MCU: variants seen among roughly 807,000 people sequenced by gnomAD.
MCU encodes the protein mitochondrial calcium uniporter.
A neutral mutation model predicts 45.2 loss-of-function variants in MCU; 12 were observed. That is an observed-to-expected ratio of 0.27 (90% confidence interval 0.17 to 0.43). The LOEUF (loss-of-function observed/expected upper bound fraction) is 0.43. MCU is among the 20% of genes least tolerant of loss of function. MCU has a pLI of 1.00. For missense variants in MCU, 324 were observed against 436.7 expected (o/e 0.74, Z 2.30); for synonymous variants, 160 against 165.1 (o/e 0.97, Z 0.24).
chr10:72,784,644 C>T (rs1844044998), intron 1 of MCU, among the ~76,000 whole-genome samples: 1 of 152,114 alleles, frequency 6.6e-6, no homozygotes, highest in South Asian at 2.1e-4. Flanking sequence ...GTTAATGTGG[C>T]ACTGTGCAGG....
intron 3 of MCU, chr10:72,860,172 G>A: frequency 2.3e-6 from 1 of 430,694 alleles, no homozygotes; most frequent in Non-Finnish European, 4.3e-6. Context: ...TACACCTATA[G>A]AACTATGACC....
intron 1 of MCU, among the ~76,000 whole-genome samples, chr10:72,776,339 A>G (rs1843893756): frequency 6.6e-6 from 1 of 152,228 alleles, no homozygotes; most frequent in African/African-American, 2.4e-5. Context: ...AGGAAACCAA[A>G]TTCAACAACA....
At chr10:72,809,103 T>C (rs1235221821) in intron 1 of MCU, among the ~76,000 whole-genome samples, 1 of 152,196 alleles carries the variant, frequency 6.6e-6, no homozygotes, top group South Asian at 2.1e-4. Context: ...TTCTGATGGA[T>C]ATATTAGAAG....
intron 2 of MCU, among the ~76,000 whole-genome samples, chr10:72,857,471 C>A (rs1320676336): frequency 6.6e-6 from 1 of 152,022 alleles, no homozygotes; most frequent in Non-Finnish European, 1.5e-5. Context: ...ATCTCTTGAC[C>A]TCATGATCTG....
intron 1 of MCU, among the ~76,000 whole-genome samples, chr10:72,770,280 A>G (rs1204089861): frequency 6.6e-6 from 1 of 151,848 alleles, no homozygotes; most frequent in Non-Finnish European, 1.5e-5. Context: ...TTATGTGAAT[A>G]TTTTCTAATG....
At chr10:72,765,761 TG>T (rs1843716182) in intron 1 of MCU, among the ~76,000 whole-genome samples, 1 of 123,852 alleles carries the variant, frequency 8.1e-6, no homozygotes, top group Non-Finnish European at 1.6e-5. Context: ...CACTCTAGCC[TG>T]GGTAACAAAG....
At chr10:72,711,837 G>A (rs750936982) in intron 1 of MCU, among the ~76,000 whole-genome samples, 7 of 148,372 alleles carry the variant, frequency 4.7e-5, no homozygotes, top group South Asian at 2.1e-4. Context: ...TCTGCCTCCC[G>A]AGTAGCTGGG....
At chr10:72,838,719 A>G (rs915932458) in intron 2 of MCU, among the ~76,000 whole-genome samples, 2 of 152,214 alleles carry the variant, frequency 1.3e-5, no homozygotes, top group Non-Finnish European at 2.9e-5. Context: ...AGATTTCCCT[A>G]CAAAAATTGT....
At chr10:72,712,372 G>A (rs1842905879) in intron 1 of MCU, 1 of 152,192 alleles carries the variant, frequency 6.6e-6, no homozygotes, top group South Asian at 2.1e-4. Flanking sequence ...TCTTGTACAA[G>A]ATACAGAGCA....
rs1056407615 is a variant in MCU at position 72,820,792 on chromosome 10, G to A, written c.151-13567G>A. 2.6e-5 allele frequency among the ~76,000 whole-genome samples: 4 copies of A among 152,234 alleles called. No individual in the cohort carries two copies. In the East Asian group the frequency reaches 5.8e-4, roughly 22 times the overall value. On this transcript the variant is annotated intron_variant, in intron 1 of 7. Transcript: ENST00000373053. Reference sequence around the variant, plus strand: ...TTCCCAAAGTGCTGGAATTACAGGCGTGAGCCACCACGCCCGGCCTGGTTA... The same window carrying A: ...TTCCCAAAGTGCTGGAATTACAGGCATGAGCCACCACGCCCGGCCTGGTTA...
intron 1 of MCU, among the ~76,000 whole-genome samples, chr10:72,750,023 G>A (rs766623141): frequency 8.6e-5 from 13 of 150,728 alleles, no homozygotes; most frequent in African/African-American, 2.4e-5. Context: ...CAGGTGATCC[G>A]CCTGCTTTGA....
chr10:72,780,790 C>T (rs1273146830), intron 1 of MCU, among the ~76,000 whole-genome samples: 1 of 151,974 alleles, frequency 6.6e-6, no homozygotes, highest in Admixed American at 6.6e-5. Flanking sequence ...TGGTTTTCTC[C>T]AATGTTAATA....
At chr10:72,819,313 G>A (rs535070139) in intron 1 of MCU, among the ~76,000 whole-genome samples, 7 of 152,298 alleles carry the variant, frequency 4.6e-5, no homozygotes, top group South Asian at 4.1e-4. Flanking sequence ...GAAGAGGGGC[G>A]AGAACAGATA....
intron 1 of MCU, among the ~76,000 whole-genome samples, chr10:72,721,954 C>G (rs995032640): frequency 6.6e-6 from 1 of 152,090 alleles, no homozygotes; most frequent in Non-Finnish European, 1.5e-5. Flanking sequence ...AATTACTATC[C>G]ACTTAGGCTC....
At chr10:72,866,308 G>C (rs1845455811) in intron 4 of MCU, among the ~76,000 whole-genome samples, 1 of 152,118 alleles carries the variant, frequency 6.6e-6, no homozygotes, top group African/African-American at 2.4e-5. Context: ...CCATTCCTCT[G>C]CCCCGTGTTG....
intron 2 of MCU, among the ~76,000 whole-genome samples, chr10:72,849,066 G>A (rs1324701334): frequency 1.3e-5 from 2 of 151,914 alleles, no homozygotes; most frequent in Non-Finnish European, 2.9e-5. Context: ...GGATCACGAG[G>A]TCAGGCATTC....
chr10:72,728,179 G>A (rs1423675460), intron 1 of MCU, among the ~76,000 whole-genome samples: 1 of 152,114 alleles, frequency 6.6e-6, no homozygotes, highest in Non-Finnish European at 1.5e-5. Flanking sequence ...TTCACATGGT[G>A]TCTCCATTAT....
Position 72,864,196 on chromosome 10 carries a change from G to A in MCU, c.496+3669G>A, listed in dbSNP as rs75609279. Among the ~76,000 whole-genome samples, 3 of 152,196 alleles carry A rather than the reference G, an allele frequency of 2.0e-5. No homozygotes were observed. The East Asian group carries it at 5.8e-4, about 29-fold the overall frequency. On this transcript the variant is annotated intron_variant, in intron 4 of 7. Transcript: ENST00000373053. ...ACCACACAGTTTTAAAATGCTGTGTGGTGCTAATTATCTCCTCATGGGTAG... is the reference window on the plus strand; with the variant it reads ...ACCACACAGTTTTAAAATGCTGTGTAGTGCTAATTATCTCCTCATGGGTAG...
At position 72,791,669 on chromosome 10, in the gene MCU, T is replaced by G. The variant is rs534502792; in HGVS notation, c.151-42690T>G. On this transcript the variant is annotated intron_variant, in intron 1 of 7. Coordinates refer to ENST00000373053, the MANE Select transcript of MCU (RefSeq NM_138357.3). ...GTGTGCTTTCCCATAGTTATTGAAA[T>G]GCACAAATCACCGGTGCAACTAATC... Among the ~76,000 whole-genome samples, 18 of 152,284 alleles carry G rather than the reference T, an allele frequency of 1.2e-4. No individual in the cohort carries two copies. The South Asian group carries it at 2.3e-3, about 19-fold the overall frequency.
Sources: gnomAD v4.1 joint callset for allele counts (sites outside exome capture counted in the v4.1 genomes callset) on GRCh38, gnomAD v4.1.1 for gene constraint, MANE v1.5 for transcripts, NCBI Gene and HGNC (gene_info 2026-07-23, HGNC 2026-07-21) for gene names.